PALM2AKAP2: variants seen among roughly 807,000 people sequenced by gnomAD.
PALM2AKAP2 encodes PALM2 and AKAP2 fusion.
A neutral mutation model predicts 71.5 loss-of-function variants in PALM2AKAP2; 37 were observed. The ratio of observed to expected loss-of-function variants is 0.52; its 90% CI spans 0.40 to 0.68. PALM2AKAP2 has a LOEUF of 0.68. Ranked by LOEUF, PALM2AKAP2 falls within the 30% of genes least tolerant of loss-of-function variation. The probability of loss-of-function intolerance (pLI) is 0.00; values close to 1 mark genes in which losing one functional copy is unlikely to be tolerated. For missense variants in PALM2AKAP2, 1,224 were observed against 1,191.8 expected, an observed-to-expected ratio of 1.03 and a Z score of -0.40; for synonymous variants, 468 against 478.8, an observed-to-expected ratio of 0.98 and a Z score of 0.29.
intron 1 of PALM2AKAP2, among the ~76,000 whole-genome samples, chr9:109,841,955 AG>A (rs1381549543): frequency 3.5e-5 from 1 of 28,524 alleles, no homozygotes; most frequent in Non-Finnish European, 6.9e-5. Context: ...GAAAGAGGGG[AG>A]GGTGAGGGGG....
intron 1 of PALM2AKAP2, among the ~76,000 whole-genome samples, chr9:109,745,381 A>C (rs1342908185): frequency 6.6e-6 from 1 of 152,152 alleles, no homozygotes; most frequent in African/African-American, 2.4e-5. Context: ...AATAAGGCTC[A>C]TAGTTCCAGG....
At chr9:110,168,043 G>A (rs1587886363) in intron 3 of PALM2AKAP2, among the ~76,000 whole-genome samples, 1 of 152,194 alleles carries the variant, frequency 6.6e-6, no homozygotes, top group Non-Finnish European at 1.5e-5. Flanking sequence ...TTTCATCATT[G>A]CATAAAGTTC....
chr9:109,872,005 A>T (rs1006213836), intron 2 of PALM2AKAP2, among the ~76,000 whole-genome samples: 1 of 152,206 alleles, frequency 6.6e-6, no homozygotes, highest in Non-Finnish European at 1.5e-5. Flanking sequence ...TGATTAATTC[A>T]TCCTTTCCTT....
At chr9:109,698,838 A>G (rs1455666808) in intron 1 of PALM2AKAP2, among the ~76,000 whole-genome samples, 5 of 152,228 alleles carry the variant, frequency 3.3e-5, no homozygotes, top group South Asian at 2.1e-4. Flanking sequence ...GCCATAGTGA[A>G]TATAGTATCT....
intron 1 of PALM2AKAP2, among the ~76,000 whole-genome samples, chr9:110,056,103 G>GT (rs1051130153): frequency 1.8e-4 from 28 of 152,242 alleles, no homozygotes; most frequent in African/African-American, 6.5e-4. Context: ...CCGCCCAACA[G>GT]TTGCCTGACT....
At chr9:109,923,932 C>T in intron 4 of PALM2AKAP2, 83 bp downstream of exon 4, 1 of 1,340,518 alleles carries the variant, frequency 7.5e-7, no homozygotes, top group Non-Finnish European at 9.9e-7. Flanking sequence ...GGGAAACAGG[C>T]CAGTGGGCAT....
At chr9:109,927,127 A>G (rs1308415213) in intron 5 of PALM2AKAP2, among the ~76,000 whole-genome samples, 1 of 152,206 alleles carries the variant, frequency 6.6e-6, no homozygotes, top group Non-Finnish European at 1.5e-5. Flanking sequence ...GTCACCCTGC[A>G]TTATAATTCC....
At chr9:109,713,887 G>A (rs949302294) in intron 1 of PALM2AKAP2, among the ~76,000 whole-genome samples, 5 of 152,062 alleles carry the variant, frequency 3.3e-5, no homozygotes, top group African/African-American at 1.2e-4. Flanking sequence ...ACAAAGAATA[G>A]GTCTAGTAAA....
intron 1 of PALM2AKAP2, among the ~76,000 whole-genome samples, chr9:109,732,024 G>A (rs1217011654): frequency 6.6e-6 from 1 of 152,202 alleles, no homozygotes; most frequent in African/African-American, 2.4e-5. Context: ...GGGTACTTTC[G>A]TGCCTTCAGC....
At chr9:109,751,676 T>G (rs1828888169) in intron 1 of PALM2AKAP2, among the ~76,000 whole-genome samples, 1 of 152,102 alleles carries the variant, frequency 6.6e-6, no homozygotes, top group Non-Finnish European at 1.5e-5. Context: ...AGAAGTTGAG[T>G]CAGTTCATGA....
At chr9:110,096,446 T>TATTTATTTATTTATTA (rs551422085) in intron 1 of PALM2AKAP2, among the ~76,000 whole-genome samples, 29 of 151,962 alleles carry the variant, frequency 1.9e-4, no homozygotes, top group African/African-American at 6.8e-4. Flanking sequence ...TTTATTTATT[T>TATTTATTTATTTATTA]ATTAAGATGG....
chr9:109,679,815 G>T (rs544502307), intron 1 of PALM2AKAP2, among the ~76,000 whole-genome samples: 7 of 152,216 alleles, frequency 4.6e-5, no homozygotes, highest in African/African-American at 1.7e-4. Flanking sequence ...CTATCTTATT[G>T]GTCTTATGCA....
At chr9:109,947,592 A>T (rs1348980996) in intron 6 of PALM2AKAP2, among the ~76,000 whole-genome samples, 2 of 152,220 alleles carry the variant, frequency 1.3e-5, no homozygotes, top group East Asian at 3.8e-4. Flanking sequence ...TAGCCCTGCC[A>T]ATATAAAACG....
intron 1 of PALM2AKAP2, among the ~76,000 whole-genome samples, chr9:110,051,496 G>A (rs1428927507): frequency 1.3e-5 from 2 of 152,284 alleles, no homozygotes; most frequent in East Asian, 3.9e-4. Context: ...CGGATTTGGT[G>A]AGCTCTTAAA....
At chr9:109,794,163 T>C (rs1355196591) in intron 1 of PALM2AKAP2, among the ~76,000 whole-genome samples, 2 of 152,160 alleles carry the variant, frequency 1.3e-5, no homozygotes, top group Admixed American at 6.5e-5. Context: ...GATGAGAGGT[T>C]TTGTTTACCG....
Position 109,684,362 on chromosome 9 carries a change from T to C in PALM2AKAP2, c.5+43496T>C, listed in dbSNP as rs1202633131. Among the ~76,000 whole-genome samples, 8 of 152,152 alleles carry C rather than the reference T, an allele frequency of 5.3e-5. No individual in the cohort carries two copies. The East Asian group carries it at 1.5e-3, about 29-fold the overall frequency. ...ATGCGCTAATGCCCGGGCCCCACTC[T>C]AGACCCCTCTGAATCAGAGTGTTTT... On this transcript the variant is annotated intron_variant, in intron 1 of 6. Coordinates refer to the PALM2AKAP2 transcript ENST00000374531.
At chr9:109,808,993 C>T (rs1265038306) in intron 1 of PALM2AKAP2, among the ~76,000 whole-genome samples, 1 of 152,210 alleles carries the variant, frequency 6.6e-6, no homozygotes, top group Admixed American at 6.5e-5. Flanking sequence ...GGGAACCTCC[C>T]CCTGGATTTC....
chr9:109,733,381 C>G (rs1828584355), intron 1 of PALM2AKAP2, among the ~76,000 whole-genome samples: 1 of 152,102 alleles, frequency 6.6e-6, no homozygotes, highest in Non-Finnish European at 1.5e-5. Context: ...CACTGGTTAA[C>G]AATACTTTAG....
rs139582741 is a variant in PALM2AKAP2 at position 109,667,127 on chromosome 9, C to G, written c.5+26261C>G. Among the ~76,000 whole-genome samples, 275 of 152,156 alleles carry G rather than the reference C, an allele frequency of 1.8e-3. 1 individual carries two copies. The highest frequency in any genetic ancestry group is 6.4e-3 in the African/African-American group (267 of 41,492). On this transcript the variant is annotated intron_variant, in intron 1 of 6. Transcript: ENST00000374531. ...CCTCCAACCATGCTCGTATTCTGAG[C>G]CACTCAATTGAAGATTCATAGGCCC...
Sources: allele counts gnomAD v4.1 joint callset (sites outside exome capture counted in the v4.1 genomes callset), GRCh38; gene constraint gnomAD v4.1.1; transcripts MANE v1.5; gene names NCBI Gene and HGNC (gene_info 2026-07-23, HGNC 2026-07-21).